RNF150: variants seen among roughly 807,000 people sequenced by gnomAD.
RNF150 encodes the protein ring finger protein 150.
Under a neutral mutation model 39.3 loss-of-function variants are expected in RNF150, and 24 were observed. The ratio of observed to expected loss-of-function variants is 0.61; its 90% confidence interval spans 0.44 to 0.86. The LOEUF (loss-of-function observed/expected upper bound fraction) is 0.86, where lower values mean the gene tolerates loss of function less well. Ranked by LOEUF, RNF150 falls within the 40% of genes least tolerant of loss-of-function variation. The probability of loss-of-function intolerance (pLI) is 0.00; values close to 1 mark genes in which losing one functional copy is unlikely to be tolerated. For synonymous variants in RNF150, 255 were observed against 227.3 expected (o/e 1.12, Z -1.10); for missense variants, 502 against 587.8 (o/e 0.85, Z 1.51).
At chr4:140,908,146 ATGT>A (rs1167055530) in intron 6 of RNF150, among the ~76,000 whole-genome samples, 1 of 152,230 alleles carries the variant, frequency 6.6e-6, no homozygotes, top group Admixed American at 6.5e-5. Flanking sequence ...GAGTATAATA[ATGT>A]TGATGAAAAC....
At chr4:141,160,503 A>T (rs1362296136) in intron 1 of RNF150, among the ~76,000 whole-genome samples, 1 of 152,212 alleles carries the variant, frequency 6.6e-6, no homozygotes, top group Non-Finnish European at 1.5e-5. Context: ...TCATAGAAAA[A>T]CATAAAATAA....
chr4:141,072,425 T>C (rs1313115292), intron 1 of RNF150, among the ~76,000 whole-genome samples: 1 of 152,128 alleles, frequency 6.6e-6, no homozygotes, highest in East Asian at 1.9e-4. Flanking sequence ...CTAATGCCCA[T>C]TGTGTTTTGT....
intron 5 of RNF150, among the ~76,000 whole-genome samples, chr4:140,918,114 A>C (rs1293606612): frequency 1.3e-5 from 2 of 152,178 alleles, no homozygotes; most frequent in African/African-American, 4.8e-5. Flanking sequence ...TGACACCCTA[A>C]CATCACAATT....
intron 1 of RNF150, among the ~76,000 whole-genome samples, chr4:141,082,309 T>G (rs1241908574): frequency 6.6e-6 from 1 of 152,242 alleles, no homozygotes; most frequent in East Asian, 1.9e-4. Flanking sequence ...CTATAAACGT[T>G]ACGGACCTTG....
At chr4:140,919,969 A>G (rs1376777654) in intron 5 of RNF150, among the ~76,000 whole-genome samples, 1 of 152,186 alleles carries the variant, frequency 6.6e-6, no homozygotes. Flanking sequence ...GGTGCTGGGA[A>G]AACTGGCTAG....
At chr4:141,046,591 C>T (rs72937382) in intron 1 of RNF150, among the ~76,000 whole-genome samples, 4,585 of 152,236 alleles carry the variant, frequency 0.03, 243 homozygotes, top group African/African-American at 0.1. Flanking sequence ...TTTCAAACTG[C>T]TGATTACCTC....
At chr4:141,000,582 T>C (rs1734628477) in intron 1 of RNF150, among the ~76,000 whole-genome samples, 1 of 152,218 alleles carries the variant, frequency 6.6e-6, no homozygotes, top group African/African-American at 2.4e-5. Flanking sequence ...TGCAATGACA[T>C]TTTATGTCAA....
At chr4:140,964,194 A>G (rs996677642) in intron 2 of RNF150, among the ~76,000 whole-genome samples, 1 of 152,082 alleles carries the variant, frequency 6.6e-6, no homozygotes, top group African/African-American at 2.4e-5. Context: ...AAATACTACA[A>G]AGTAGTGGCT....
chr4:140,932,989 G>A (rs573135494), intron 4 of RNF150, among the ~76,000 whole-genome samples: 7 of 152,300 alleles, frequency 4.6e-5, no homozygotes, highest in Admixed American at 2.0e-4. Context: ...AGTTGGGTTC[G>A]TTGCTGTTAC....
rs565720021 is a variant in RNF150, at chr4:141,118,846, C to T, written c.484+13479G>A. Reference sequence around the variant, plus strand: ...CTCGATCTCGGCTCACTACAACCTCCGACTCCTGGGTTCAAGCGATTCTCC... The same window carrying T: ...CTCGATCTCGGCTCACTACAACCTCTGACTCCTGGGTTCAAGCGATTCTCC... On this transcript the variant is annotated intron_variant, in intron 1 of 6. Coordinates refer to ENST00000515673, the MANE Select transcript of RNF150 (RefSeq NM_020724.2). 5.3e-4 allele frequency among the ~76,000 whole-genome samples: 81 copies of T among 152,200 alleles called. 2 individuals are homozygous for T. The South Asian group carries it at 0.016, about 30-fold the overall frequency.
At chr4:140,952,405 C>T (rs956261042) in intron 2 of RNF150, among the ~76,000 whole-genome samples, 2 of 152,164 alleles carry the variant, frequency 1.3e-5, no homozygotes, top group South Asian at 4.1e-4. Context: ...ATGAAATATG[C>T]CCTTCTTAAA....
chr4:140,922,660 A>T (rs1338576345), intron 5 of RNF150, among the ~76,000 whole-genome samples: 1 of 145,160 alleles, frequency 6.9e-6, no homozygotes, highest in East Asian at 1.9e-4. Context: ...CCGCATTGCC[A>T]AGTCAATCCT....
At chr4:141,185,744 T>G (rs1727996484) in intron 1 of RNF150, among the ~76,000 whole-genome samples, 1 of 152,110 alleles carries the variant, frequency 6.6e-6, no homozygotes, top group Non-Finnish European at 1.5e-5. Context: ...CATGAAGGGG[T>G]GTTGAATTTT....
chr4:141,035,722 G>A (rs1167535268), intron 1 of RNF150, among the ~76,000 whole-genome samples: 1 of 152,162 alleles, frequency 6.6e-6, no homozygotes, highest in Non-Finnish European at 1.5e-5. Flanking sequence ...GTATGCAACT[G>A]TAGCTTCACA....
intron 5 of RNF150, among the ~76,000 whole-genome samples, chr4:140,923,843 C>T (rs930584554): frequency 6.6e-6 from 1 of 152,088 alleles, no homozygotes; most frequent in South Asian, 2.1e-4. Context: ...AAGCTAGAAA[C>T]CATCATTCTC....
chr4:141,014,753 A>G (rs1735202853), intron 1 of RNF150, among the ~76,000 whole-genome samples: 1 of 151,602 alleles, frequency 6.6e-6, no homozygotes, highest in Admixed American at 6.6e-5. Context: ...TATCAGATGT[A>G]CAGTTTGTAA....
At chr4:141,008,890 G>T (rs73858463) in intron 1 of RNF150, among the ~76,000 whole-genome samples, 1 of 151,774 alleles carries the variant, frequency 6.6e-6, no homozygotes, top group Non-Finnish European at 1.5e-5. Flanking sequence ...TATCCTAAGC[G>T]CTTTGCATTT....
intron 5 of RNF150, among the ~76,000 whole-genome samples, chr4:140,917,852 C>T (rs1446699676): frequency 6.6e-6 from 1 of 151,658 alleles, no homozygotes; most frequent in Non-Finnish European, 1.5e-5. Context: ...TCTCAGACCA[C>T]AGTGCAATCA....
intron 1 of RNF150, among the ~76,000 whole-genome samples, chr4:141,205,848 T>A (rs1355882267): frequency 6.6e-6 from 1 of 152,184 alleles, no homozygotes; most frequent in Non-Finnish European, 1.5e-5. Flanking sequence ...TGTTTGTGTA[T>A]GTGTGCGCAC....
Sources: allele counts gnomAD v4.1 joint callset (sites outside exome capture counted in the v4.1 genomes callset), GRCh38; gene constraint gnomAD v4.1.1; transcripts MANE v1.5; gene names NCBI Gene and HGNC (gene_info 2026-07-23, HGNC 2026-07-21).